KLF13: variants seen among roughly 807,000 people sequenced by gnomAD.
The protein encoded by KLF13 is Krueppel-like factor 13.
A neutral mutation model predicts 16.7 loss-of-function variants in KLF13; 8 were observed. The ratio of observed to expected loss-of-function variants is 0.48; its 90% CI spans 0.28 to 0.87. The LOEUF is 0.87. Among genes scored for constraint, KLF13 ranks in the 40% least tolerant of loss-of-function variants. KLF13 has a pLI of 0.10. For missense variants in KLF13, 447 were observed against 452.2 expected (o/e 0.99, Z 0.10); for synonymous variants, 245 against 208.4 (o/e 1.18, Z -1.51).
chr15:31,377,719 G>A lies in KLF13; in HGVS notation c.*5420G>A, dbSNP rs1478872582. On this transcript the variant is annotated 3_prime_UTR_variant, in exon 2 of 2. Coordinates refer to ENST00000307145, the MANE Select transcript of KLF13 (RefSeq NM_015995.4). Reference sequence around the variant, plus strand: ...AAGTATTACAGTTGTACAGTTCCCAGTCTGGCCTTGGCTTGCTCGGATAAA... The same window carrying A: ...AAGTATTACAGTTGTACAGTTCCCAATCTGGCCTTGGCTTGCTCGGATAAA... The A allele has an allele frequency of 6.6e-6, 1 of 152,602 alleles. No individual in the cohort carries two copies. The highest frequency in any genetic ancestry group is 2.4e-5 in the African/African-American group (1 of 41,428). 9.5% of individuals were successfully genotyped at this position (152,602 alleles called of 1,614,324 possible).
intron 1 of KLF13, among the ~76,000 whole-genome samples, chr15:31,430,949 C>T (rs185332425): frequency 2.6e-4 from 40 of 152,254 alleles, no homozygotes; most frequent in African/African-American, 9.6e-4. Flanking sequence ...ACTCATGAGC[C>T]TCCAATTCAT....
chr15:31,382,638 G>A (rs1457474675), downstream of KLF13, among the ~76,000 whole-genome samples: 2 of 152,192 alleles, frequency 1.3e-5, no homozygotes, highest in African/African-American at 4.8e-5. Flanking sequence ...TGGCAGCTCA[G>A]TGTGTCCAAT....
At chr15:31,387,043 T>A (rs920576400) in intron 1 of KLF13, among the ~76,000 whole-genome samples, 2 of 152,228 alleles carry the variant, frequency 1.3e-5, no homozygotes, top group Non-Finnish European at 2.9e-5. Flanking sequence ...TGAGATGGAA[T>A]CTACTCCTTG....
At chr15:31,409,464 C>G (rs552964501), downstream of KLF13, among the ~76,000 whole-genome samples, 1 of 150,722 alleles carries the variant, frequency 6.6e-6, no homozygotes, top group African/African-American at 2.4e-5. Context: ...ATGACAGACA[C>G]CAAGCCATAG....
chr15:31,380,273 CAA>C (rs1226176178), downstream of KLF13, among the ~76,000 whole-genome samples: 2 of 152,188 alleles, frequency 1.3e-5, no homozygotes, highest in Non-Finnish European at 2.9e-5. Flanking sequence ...GCATGGACAA[CAA>C]GAGCGAAACT....
At chr15:31,400,532 T>A (rs1188909829) in intron 2 of KLF13, among the ~76,000 whole-genome samples, 10 of 152,180 alleles carry the variant, frequency 6.6e-5, no homozygotes, top group Non-Finnish European at 1.5e-4. Context: ...TGAAGGTGGC[T>A]GGTCCCAGAG....
intron 1 of KLF13, among the ~76,000 whole-genome samples, chr15:31,336,592 C>G (rs1344502443): frequency 6.6e-6 from 1 of 152,128 alleles, no homozygotes; most frequent in East Asian, 1.9e-4. Flanking sequence ...AAAAATAATA[C>G]AGGGAACTTG....
chr15:31,343,123 TGTG>T (rs2039056730), intron 1 of KLF13, among the ~76,000 whole-genome samples: 1 of 152,220 alleles, frequency 6.6e-6, no homozygotes, highest in Non-Finnish European at 1.5e-5. Context: ...GCTCTGCTCT[TGTG>T]GTCATGAGTG....
At chr15:31,421,234 C>T (rs957968021) in intron 1 of KLF13, among the ~76,000 whole-genome samples, 29 of 151,926 alleles carry the variant, frequency 1.9e-4, no homozygotes, top group African/African-American at 6.5e-4. Context: ...GGTGTTTATC[C>T]ACACTAAATC....
At chr15:31,405,107 G>C (rs1425673125), downstream of KLF13, among the ~76,000 whole-genome samples, 1 of 152,184 alleles carries the variant, frequency 6.6e-6, no homozygotes, top group Middle Eastern at 3.2e-3. Context: ...GAAACTTTGG[G>C]AGGTGACTAG....
intron 1 of KLF13, among the ~76,000 whole-genome samples, chr15:31,336,648 TA>T (rs1369985601): frequency 1.3e-5 from 2 of 152,244 alleles, no homozygotes; most frequent in East Asian, 1.9e-4. Context: ...AGAGCATGAA[TA>T]GGGGTGTCTG....
exon 3 of KLF13, chr15:31,403,632 A>G (rs1276887731): frequency 6.6e-6 from 1 of 152,274 alleles, no homozygotes. Flanking sequence ...TGGAAGTCAC[A>G]CAAGGGTATT....
chr15:31,343,216 G>T (rs2140940908), intron 1 of KLF13, among the ~76,000 whole-genome samples: 1 of 152,366 alleles, frequency 6.6e-6, no homozygotes, highest in Admixed American at 6.5e-5. Context: ...CTTGCACAGG[G>T]CCCGCCGGCT....
chr15:31,392,906 C>T (rs1414733969), exon 1 of KLF13: 1 of 152,070 alleles, frequency 6.6e-6, no homozygotes, highest in Non-Finnish European at 1.5e-5. Context: ...GGTGCACTGT[C>T]CGGCTCCAGC....
intron 1 of KLF13, among the ~76,000 whole-genome samples, chr15:31,358,408 C>T (rs2039333325): frequency 6.6e-6 from 1 of 152,238 alleles, no homozygotes; most frequent in South Asian, 2.1e-4. Flanking sequence ...GTTGCTCCAC[C>T]AGCATTTAGT....
intron 1 of KLF13, among the ~76,000 whole-genome samples, chr15:31,343,642 AT>A (rs1367371066): frequency 6.6e-6 from 1 of 152,218 alleles, no homozygotes; most frequent in African/African-American, 2.4e-5. Flanking sequence ...TTAGGAGATG[AT>A]TTCCAACTTC....
chr15:31,346,762 C>G (rs887789816), intron 1 of KLF13, among the ~76,000 whole-genome samples: 2 of 152,238 alleles, frequency 1.3e-5, no homozygotes, highest in Non-Finnish European at 1.5e-5. Context: ...AGGGACATCC[C>G]AGGCACTTGG....
intron 1 of KLF13, among the ~76,000 whole-genome samples, chr15:31,409,738 C>T (rs2040168964): frequency 1.3e-5 from 2 of 152,170 alleles, no homozygotes; most frequent in African/African-American, 4.8e-5. Flanking sequence ...CATGTTTAAA[C>T]TACAGAAAGA....
At chr15:31,347,157 C>T (rs1434012926) in intron 1 of KLF13, among the ~76,000 whole-genome samples, 1 of 152,178 alleles carries the variant, frequency 6.6e-6, no homozygotes, top group African/African-American at 2.4e-5. Context: ...GATCAGCAGG[C>T]GTTCCCCCCT....
Sources: gnomAD v4.1 joint callset for allele counts (sites outside exome capture counted in the v4.1 genomes callset) on GRCh38, gnomAD v4.1.1 for gene constraint, MANE v1.5 for transcripts, NCBI Gene and HGNC (gene_info 2026-07-23, HGNC 2026-07-21) for gene names.